MGA: variants seen among roughly 807,000 people sequenced by gnomAD.
MGA encodes the protein MAX dimerization protein MGA, also known as MAX gene-associated protein.
MGA carries 40 observed loss-of-function variants against 261.1 expected under a neutral mutation model. The observed-to-expected ratio is 0.15, with a 90% CI of 0.12 to 0.20. The LOEUF (loss-of-function observed/expected upper bound fraction) is 0.20, where lower values mean the gene tolerates loss of function less well. Ranked by LOEUF, MGA falls within the 10% of genes least tolerant of loss-of-function variation. The probability of loss-of-function intolerance (pLI) is 1.00; values close to 1 mark genes in which losing one functional copy is unlikely to be tolerated. For synonymous variants in MGA, 1,302 were observed against 1,290.6 expected, an observed-to-expected ratio of 1.01 and a Z score of -0.19; for missense variants, 3,397 against 3,630.5, an observed-to-expected ratio of 0.94 and a Z score of 1.65.
chr15:41,765,157 T>C (rs2063734571), intron 23 of MGA, 95 bp downstream of exon 23: 1 of 1,375,416 alleles, frequency 7.3e-7, no homozygotes, highest in Non-Finnish European at 1.0e-6. Flanking sequence ...TCTGTAATGA[T>C]AAAGAGCTAT....
chr15:41,718,422 C>A, intron 9 of MGA: 1 of 1,270,284 alleles, frequency 7.9e-7, no homozygotes, highest in Non-Finnish European at 1.1e-6. Context: ...AAACACAGAT[C>A]GCAGGTAGCC....
intron 9 of MGA, among the ~76,000 whole-genome samples, chr15:41,720,655 A>G (rs1327441784): frequency 2.0e-5 from 3 of 152,108 alleles, no homozygotes; most frequent in Non-Finnish European, 4.4e-5. Flanking sequence ...AACATGGCGA[A>G]ACCCCGTCTC....
intron 17 of MGA, 34 bp from the exon 18 acceptor site, chr15:41,754,403 A>G: frequency 2.7e-6 from 4 of 1,504,730 alleles, no homozygotes; most frequent in Non-Finnish European, 3.6e-6. Context: ...TTGCCACTCA[A>G]TACATTATTT....
At chr15:41,629,665 G>A (rs935257948) in intron 1 of MGA, among the ~76,000 whole-genome samples, 1 of 151,574 alleles carries the variant, frequency 6.6e-6, no homozygotes, top group Non-Finnish European at 1.5e-5. Flanking sequence ...GGTGGTTGAA[G>A]CTACAATGAG....
rs193182378 is a variant in MGA, at chr15:41,631,802, T to C, written c.-68+10504T>C. 1.1e-3 allele frequency among the ~76,000 whole-genome samples: 168 copies of C among 152,342 alleles called. 1 individual carries two copies. Among genetic ancestry groups the C allele is most frequent in the African/African-American group, 3.9e-3 (163 of 41,588 alleles). On this transcript the variant is annotated intron_variant, in intron 1 of 8. Coordinates refer to the MGA transcript ENST00000566718. ...TATTTGAATTATAAAAGTGGCTTTT[T>C]TTTGAGAAGATAAATACATAAGCAC...
At chr15:41,735,422 TAG>T (rs2061719032) in intron 12 of MGA, among the ~76,000 whole-genome samples, 1 of 152,038 alleles carries the variant, frequency 6.6e-6, no homozygotes, top group Admixed American at 6.6e-5. Flanking sequence ...CAGTAGAAAT[TAG>T]AGTTAGAGTG....
chr15:41,687,211 G>C (rs1426118083), intron 2 of MGA, among the ~76,000 whole-genome samples: 1 of 151,868 alleles, frequency 6.6e-6, no homozygotes, highest in Admixed American at 6.6e-5. Context: ...ATTAGGGTTT[G>C]GTGGACTAAG....
At chr15:41,656,811 C>T (rs2057211517), upstream of MGA, among the ~76,000 whole-genome samples, 1 of 152,146 alleles carries the variant, frequency 6.6e-6, no homozygotes, top group African/African-American at 2.4e-5. Context: ...GTAGGTCTCA[C>T]TGTTGCCCAG....
chr15:41,739,234 G>A (rs569219284), intron 13 of MGA, among the ~76,000 whole-genome samples: 1 of 152,228 alleles, frequency 6.6e-6, no homozygotes, highest in South Asian at 2.1e-4. Context: ...TACTTCATTT[G>A]TTGGTTCACT....
chr15:41,724,384 C>G (rs1050335002), intron 9 of MGA, among the ~76,000 whole-genome samples: 2 of 152,152 alleles, frequency 1.3e-5, no homozygotes, highest in South Asian at 2.1e-4. Context: ...TTACTTCCCC[C>G]CAAAAGCTAC....
chr15:41,692,142 T>TA (rs1343728658), intron 2 of MGA, among the ~76,000 whole-genome samples: 1 of 152,222 alleles, frequency 6.6e-6, no homozygotes, highest in Non-Finnish European at 1.5e-5. Flanking sequence ...TCCTTCAGTC[T>TA]AGGTGATTTC....
At chr15:41,684,578 T>C (rs1414986464) in intron 2 of MGA, 3 of 307,794 alleles carry the variant, frequency 9.7e-6, no homozygotes, top group Admixed American at 8.6e-5. Flanking sequence ...CAGGAAGATG[T>C]GAAAGCAGTT....
chr15:41,650,022 T>C (rs541618791), intron 1 of MGA, among the ~76,000 whole-genome samples: 1 of 152,306 alleles, frequency 6.6e-6, no homozygotes, highest in African/African-American at 2.4e-5. Flanking sequence ...AGTAATTCTT[T>C]ACTTCCTATG....
chr15:41,668,172 A>C (rs1407804646), intron 1 of MGA, among the ~76,000 whole-genome samples: 1 of 151,698 alleles, frequency 6.6e-6, no homozygotes, highest in East Asian at 1.9e-4. Flanking sequence ...GTGTCTTATC[A>C]AAAAACTTTT....
intron 13 of MGA, among the ~76,000 whole-genome samples, chr15:41,739,567 A>C (rs1282519212): frequency 6.6e-6 from 1 of 152,244 alleles, no homozygotes; most frequent in Non-Finnish European, 1.5e-5. Flanking sequence ...TAGCTTAACC[A>C]GAATGCCTTA....
At chr15:41,738,554 T>G (rs1203517226) in intron 13 of MGA, among the ~76,000 whole-genome samples, 2 of 152,206 alleles carry the variant, frequency 1.3e-5, no homozygotes, top group African/African-American at 4.8e-5. Flanking sequence ...ATTGACACTT[T>G]GAAAACAGAG....
chr15:41,729,595 G>A (rs779576247), intron 11 of MGA, among the ~76,000 whole-genome samples: 2 of 152,042 alleles, frequency 1.3e-5, no homozygotes, highest in African/African-American at 2.4e-5. Context: ...GCTGAGGCAG[G>A]CGGATCAGTT....
At chr15:41,651,186 C>A (rs1048162537) in intron 1 of MGA, among the ~76,000 whole-genome samples, 1 of 152,172 alleles carries the variant, frequency 6.6e-6, no homozygotes, top group Non-Finnish European at 1.5e-5. Context: ...GACCTCATGA[C>A]CCAGTCACTC....
chr15:41,746,918 A>G (rs2062526874), intron 15 of MGA, among the ~76,000 whole-genome samples: 1 of 151,558 alleles, frequency 6.6e-6, no homozygotes, highest in South Asian at 2.1e-4. Flanking sequence ...ATGTTAGACC[A>G]GTTTCATTTA....
Sources: allele counts gnomAD v4.1 joint callset (sites outside exome capture counted in the v4.1 genomes callset), GRCh38; gene constraint gnomAD v4.1.1; transcripts MANE v1.5; gene names NCBI Gene and HGNC (gene_info 2026-07-23, HGNC 2026-07-21).